Variants in PDE3A observed in about 807,000 individuals in gnomAD.
PDE3A encodes the protein phosphodiesterase 3A, also known as cGMP-inhibited 3',5'-cyclic phosphodiesterase 3A.
A neutral mutation model predicts 98.3 loss-of-function variants in PDE3A; 43 were observed. The observed-to-expected ratio is 0.44, with a 90% CI of 0.34 to 0.56. The LOEUF (loss-of-function observed/expected upper bound fraction) is 0.56, where lower values mean the gene tolerates loss of function less well. Among genes scored for constraint, PDE3A ranks in the 20% least tolerant of loss-of-function variants. PDE3A has a pLI of 0.01. For synonymous variants in PDE3A, 663 were observed against 567.9 expected, an observed-to-expected ratio of 1.17 and a Z score of -2.38; for missense variants, 1,427 against 1,440.7, an observed-to-expected ratio of 0.99 and a Z score of 0.15.
intron 2 of PDE3A, among the ~76,000 whole-genome samples, chr12:20,609,261 A>AT (rs1248555170): frequency 6.6e-6 from 1 of 152,026 alleles, no homozygotes; most frequent in Non-Finnish European, 1.5e-5. Context: ...AATCAATAAC[A>AT]TTTTTTATAT....
At chr12:20,659,301 T>C (rs1945107572) in intron 15 of PDE3A, among the ~76,000 whole-genome samples, 1 of 152,168 alleles carries the variant, frequency 6.6e-6, no homozygotes, top group Admixed American at 6.5e-5. Flanking sequence ...TTTTAAAAAT[T>C]AATTTTATTC....
chr12:20,655,240 A>G (rs1430439621), intron 15 of PDE3A, among the ~76,000 whole-genome samples: 2 of 152,178 alleles, frequency 1.3e-5, no homozygotes, highest in East Asian at 3.9e-4. Flanking sequence ...GGGATAGGAA[A>G]GATGTAAAGC....
At chr12:20,407,240 T>C (rs1424811227) in intron 1 of PDE3A, among the ~76,000 whole-genome samples, 1 of 152,206 alleles carries the variant, frequency 6.6e-6, no homozygotes, top group Non-Finnish European at 1.5e-5. Flanking sequence ...CCAAATGTTA[T>C]TACTTAATCT....
intron 10 of PDE3A, among the ~76,000 whole-genome samples, chr12:20,641,465 T>C (rs544706314): frequency 2.0e-5 from 3 of 152,178 alleles, no homozygotes; most frequent in Admixed American, 2.0e-4. Flanking sequence ...CAAGGAGTTA[T>C]ATAAATAAAC....
intron 1 of PDE3A, among the ~76,000 whole-genome samples, chr12:20,536,602 TA>T (rs1328785618): frequency 1.3e-5 from 2 of 152,242 alleles, no homozygotes; most frequent in Non-Finnish European, 2.9e-5. Flanking sequence ...TAGATTTGCC[TA>T]TTCCAGACTT....
At chr12:20,630,200 A>G (rs1239972993) in intron 6 of PDE3A, 73 bp downstream of exon 6, 1 of 1,080,804 alleles carries the variant, frequency 9.3e-7, no homozygotes, top group African/African-American at 1.6e-5. Context: ...ACCTACCACC[A>G]GCCCACGCAG....
In PDE3A at chr12:20,679,896, TATATATATAATATAATATAATATAATAAG is replaced by T; in HGVS notation, c.3185-133_3185-105del. 135 of 53,874 alleles carry T rather than the reference TATATATATAATATAATATAATATAATAAG, an allele frequency of 2.5e-3. 16 individuals are homozygous for T. Among genetic ancestry groups the T allele is most frequent in the Middle Eastern group, 0.014 (2 of 146 alleles). 3.3% of individuals were successfully genotyped at this position (53,874 alleles called of 1,614,324 possible). On this transcript the variant is annotated intron_variant, in intron 15 of 15. Transcript: ENST00000359062. ...AATATATATATTATATATATAATAA[TATATATATAATATAATATAATATAATAAG>T]GTTATGGATTAACTCCTCTTAATTA...
intron 1 of PDE3A, among the ~76,000 whole-genome samples, chr12:20,394,427 G>C (rs1591881352): frequency 6.6e-6 from 1 of 152,048 alleles, no homozygotes; most frequent in East Asian, 1.9e-4. Flanking sequence ...CATGAGTTGG[G>C]ATAAATAAGA....
intron 1 of PDE3A, among the ~76,000 whole-genome samples, chr12:20,396,530 A>G (rs1448251049): frequency 6.6e-6 from 1 of 152,154 alleles, no homozygotes; most frequent in Non-Finnish European, 1.5e-5. Flanking sequence ...AAAGCATATT[A>G]TTTAAACTTC....
At chr12:20,538,671 C>A (rs1055450010) in intron 1 of PDE3A, among the ~76,000 whole-genome samples, 2 of 152,152 alleles carry the variant, frequency 1.3e-5, no homozygotes, top group Non-Finnish European at 2.9e-5. Context: ...GCTAAAAATT[C>A]TTTACTACTT....
intron 1 of PDE3A, among the ~76,000 whole-genome samples, chr12:20,402,378 G>A (rs992210623): frequency 4.6e-5 from 7 of 152,004 alleles, no homozygotes; most frequent in Non-Finnish European, 1.0e-4. Flanking sequence ...CGAACTCCTG[G>A]CCTCAGGTGA....
chr12:20,575,570 C>T (rs1304364346), intron 2 of PDE3A, among the ~76,000 whole-genome samples: 3 of 151,970 alleles, frequency 2.0e-5, no homozygotes, highest in Non-Finnish European at 4.4e-5. Flanking sequence ...ATACAGGGAA[C>T]ATTTGGGAAT....
At chr12:20,380,862 T>C (rs1406795563) in intron 1 of PDE3A, among the ~76,000 whole-genome samples, 1 of 151,890 alleles carries the variant, frequency 6.6e-6, no homozygotes, top group Admixed American at 6.6e-5. Context: ...AATCAAAATA[T>C]AATTAAGCTA....
chr12:20,449,754 G>A, intron 1 of PDE3A: 1 of 477,738 alleles, frequency 2.1e-6, no homozygotes, highest in Non-Finnish European at 3.8e-6. Flanking sequence ...TGCTCAGGCT[G>A]GGGGTCATTC....
intron 1 of PDE3A, among the ~76,000 whole-genome samples, chr12:20,410,880 A>G (rs939984432): frequency 4.6e-5 from 7 of 152,224 alleles, no homozygotes; most frequent in African/African-American, 7.2e-5. Flanking sequence ...AAAAGCCAAC[A>G]TATTTCCTGT....
At chr12:20,658,740 C>T (rs1016688716) in intron 15 of PDE3A, among the ~76,000 whole-genome samples, 1 of 152,072 alleles carries the variant, frequency 6.6e-6, no homozygotes, top group African/African-American at 2.4e-5. Flanking sequence ...TCCTTCCTTC[C>T]TTCATTTAAA....
intron 6 of PDE3A, among the ~76,000 whole-genome samples, chr12:20,630,750 AT>A (rs1271701609): frequency 6.6e-6 from 1 of 152,202 alleles, no homozygotes; most frequent in Non-Finnish European, 1.5e-5. Context: ...CGAAGAAATA[AT>A]TATCTCTTCT....
chr12:20,393,503 A>G (rs1365084269), intron 1 of PDE3A, among the ~76,000 whole-genome samples: 2 of 152,062 alleles, frequency 1.3e-5, no homozygotes, highest in Non-Finnish European at 2.9e-5. Flanking sequence ...GCCAAACTAT[A>G]TCAGTCTCCA....
At chr12:20,640,896 A>T (rs1944631585) in intron 10 of PDE3A, among the ~76,000 whole-genome samples, 1 of 152,150 alleles carries the variant, frequency 6.6e-6, no homozygotes, top group Non-Finnish European at 1.5e-5. Flanking sequence ...GAAATATGTT[A>T]TTTAAATCAT....
Sources: gnomAD v4.1 joint callset for allele counts (sites outside exome capture counted in the v4.1 genomes callset) on GRCh38, gnomAD v4.1.1 for gene constraint, MANE v1.5 for transcripts, NCBI Gene and HGNC (gene_info 2026-07-23, HGNC 2026-07-21) for gene names.